Variants in GRIP1 observed in about 807,000 individuals in gnomAD.
GRIP1 encodes glutamate receptor-interacting protein 1.
Under a neutral mutation model 129.9 loss-of-function variants are expected in GRIP1, and 45 were observed. That is an observed-to-expected ratio of 0.35 (90% CI 0.27 to 0.44). The LOEUF (loss-of-function observed/expected upper bound fraction) is 0.44. Among genes scored for constraint, GRIP1 ranks in the 20% least tolerant of loss-of-function variants. The pLI, the probability that GRIP1 is intolerant of heterozygous loss-of-function variation, is 1.00. For missense variants in GRIP1, 1,196 were observed against 1,396.8 expected, an observed-to-expected ratio of 0.86 and a Z score of 2.29; for synonymous variants, 530 against 520.8, an observed-to-expected ratio of 1.02 and a Z score of -0.24.
intron 7 of GRIP1, among the ~76,000 whole-genome samples, chr12:66,481,722 G>C (rs2059812111): frequency 6.6e-6 from 1 of 152,300 alleles, no homozygotes; most frequent in Admixed American, 6.5e-5. Context: ...TGATAGACTG[G>C]ATAAAGAAAA....
intron 1 of GRIP1, among the ~76,000 whole-genome samples, chr12:66,701,065 T>C (rs1229320199): frequency 6.6e-6 from 1 of 152,156 alleles, no homozygotes; most frequent in Non-Finnish European, 1.5e-5. Flanking sequence ...ACCTAGTGAA[T>C]AGAAGATTGG....
intron 15 of GRIP1, among the ~76,000 whole-genome samples, chr12:66,407,946 T>A (rs1270011713): frequency 1.3e-5 from 2 of 152,130 alleles, no homozygotes; most frequent in African/African-American, 4.8e-5. Context: ...TCCTTCACTC[T>A]AACTGAGTAG....
chr12:66,426,145 T>C (rs1240237149), intron 14 of GRIP1, among the ~76,000 whole-genome samples: 1 of 152,172 alleles, frequency 6.6e-6, no homozygotes, highest in Non-Finnish European at 1.5e-5. Flanking sequence ...CAAGCTTTTC[T>C]GTGGGTATTT....
At chr12:66,363,225 A>ATATATATATATATATATATATATATG (rs1363141435) in intron 23 of GRIP1, among the ~76,000 whole-genome samples, 6 of 133,838 alleles carry the variant, frequency 4.5e-5, no homozygotes, top group South Asian at 2.3e-4. Context: ...ATATATATAT[A>ATATATATATATATATATATATATATG]TATAAAGTTT....
At position 66,999,775 on chromosome 12, in the gene GRIP1, T is replaced by A. The variant is rs528680274; in HGVS notation, c.58+69275A>T. On this transcript the variant is annotated intron_variant, in intron 1 of 1. Coordinates refer to the GRIP1 transcript ENST00000643019. ...AAAACAGAGAGAGAAGATATAATTA[T>A]ATATCATGGTTCCATCTACTTATAC... 3.9e-5 allele frequency among the ~76,000 whole-genome samples: 6 copies of A among 152,254 alleles called. No individual in the cohort carries two copies. In the East Asian group the frequency reaches 1.2e-3, roughly 29 times the overall value.
At chr12:66,364,282 A>G (rs1449215257) in intron 23 of GRIP1, among the ~76,000 whole-genome samples, 2 of 148,290 alleles carry the variant, frequency 1.3e-5, no homozygotes, top group South Asian at 2.1e-4. Context: ...AAAAAAAAAA[A>G]AAAAAAAAGA....
At position 66,678,875 on chromosome 12, in the gene GRIP1, A is replaced by T. The variant is rs758192469; in HGVS notation, c.30T>A (p.Cys10Ter). 7 of 1,613,518 alleles carry T rather than the reference A, an allele frequency of 4.3e-6. No individual in the cohort carries two copies. The South Asian group carries it at 7.7e-5, about 18-fold the overall frequency. Residue 10 changes from cysteine (C) to a stop codon, truncating the protein, a stop_gained, in exon 1 of 25, where the codon TGT becomes TGA. Transcript: ENST00000359742. LOFTEE classifies it high-confidence loss of function. The stretch of plus-strand genomic sequence containing the variant: ...CTTTAGTAAGTCGCCTCAGAATTTG[A>T]CAACGGCATTTAAAAGAGACAGCTA... MIAVSFKCRCQILRRLTKDE... is the reference protein window; with the variant it reads MIAVSFKCR
intron 5 of GRIP1, among the ~76,000 whole-genome samples, chr12:66,520,694 G>T (rs2060974867): frequency 6.6e-6 from 1 of 152,120 alleles, no homozygotes; most frequent in Non-Finnish European, 1.5e-5. Context: ...ATCATCAGTT[G>T]TCTTGAGGTG....
intron 1 of GRIP1, among the ~76,000 whole-genome samples, chr12:66,948,422 T>A (rs2041704353): frequency 1.3e-5 from 2 of 152,162 alleles, no homozygotes; most frequent in African/African-American, 4.8e-5. Flanking sequence ...AGTCATCAGA[T>A]GTTATTGGGA....
chr12:66,926,423 A>G (rs2041296949), intron 1 of GRIP1, among the ~76,000 whole-genome samples: 1 of 152,186 alleles, frequency 6.6e-6, no homozygotes, highest in African/African-American at 2.4e-5. Context: ...GTTCTCAATT[A>G]TCCTTAATTC....
At chr12:66,686,565 G>A (rs1481710093) in intron 1 of GRIP1, among the ~76,000 whole-genome samples, 1 of 152,116 alleles carries the variant, frequency 6.6e-6, no homozygotes, top group Non-Finnish European at 1.5e-5. Context: ...AAACTAACCT[G>A]CTTGCTGTTC....
intron 2 of GRIP1, among the ~76,000 whole-genome samples, chr12:66,548,774 A>C (rs1437615511): frequency 6.6e-6 from 1 of 152,168 alleles, no homozygotes; most frequent in Non-Finnish European, 1.5e-5. Context: ...GAAAACAGGA[A>C]GTTTGTGTTG....
chr12:66,886,766 C>T (rs938997673), intron 1 of GRIP1, among the ~76,000 whole-genome samples: 1 of 152,100 alleles, frequency 6.6e-6, no homozygotes, highest in African/African-American at 2.4e-5. Context: ...TATCATCATA[C>T]CACAAAAAGC....
chr12:66,553,808 T>G (rs2062224917), intron 2 of GRIP1, among the ~76,000 whole-genome samples: 1 of 151,670 alleles, frequency 6.6e-6, no homozygotes, highest in African/African-American at 2.4e-5. Context: ...CCTATCACAA[T>G]GGAAAGCAAT....
chr12:66,611,229 CTCCTGTCAGCATCT>C (rs1336189758), intron 1 of GRIP1, among the ~76,000 whole-genome samples: 2 of 152,120 alleles, frequency 1.3e-5, no homozygotes, highest in Non-Finnish European at 2.9e-5. Flanking sequence ...ACTGATGCCA[CTCCTGTCAGCATCT>C]TCCCTCTAGG....
chr12:66,970,457 T>C (rs1404529873), intron 1 of GRIP1, among the ~76,000 whole-genome samples: 3 of 152,086 alleles, frequency 2.0e-5, no homozygotes, highest in Non-Finnish European at 2.9e-5. Flanking sequence ...GGACTTCAGC[T>C]TGAGGCTTAT....
chr12:66,420,617 A>T, intron 15 of GRIP1, 103 bp downstream of exon 15: 1 of 754,326 alleles, frequency 1.3e-6, no homozygotes, highest in Non-Finnish European at 2.4e-6. Context: ...GTTTTTGAAA[A>T]TACAGTGACC....
rs538009132 is a variant in GRIP1, at chr12:66,545,947, G to A, written c.137-3997C>T. On this transcript the variant is annotated intron_variant, in intron 2 of 24. Coordinates refer to ENST00000359742, the MANE Select transcript of GRIP1 (RefSeq NM_001366722.1). ...ATGCTGTTGAAAGAAATTAAAGAAG[G>A]CCTAAATAATTGGAGAGACAAACAT... Among the ~76,000 whole-genome samples the A allele has an allele frequency of 2.6e-5, 4 of 152,136 alleles. No individual in the cohort carries two copies. In the South Asian group the frequency reaches 8.3e-4, roughly 32 times the overall value.
chr12:67,057,775 C>T (rs1211914752), intron 1 of GRIP1, among the ~76,000 whole-genome samples: 2 of 152,138 alleles, frequency 1.3e-5, no homozygotes, highest in Non-Finnish European at 1.5e-5. Context: ...TCTAGCCTGG[C>T]AAATTTTCAT....
Sources: allele counts gnomAD v4.1 joint callset (sites outside exome capture counted in the v4.1 genomes callset), GRCh38; gene constraint gnomAD v4.1.1; transcripts MANE v1.5; gene names NCBI Gene and HGNC (gene_info 2026-07-23, HGNC 2026-07-21).